The following RNLS variants were observed in gnomAD, a reference collection of about 807,000 sequenced individuals.
RNLS encodes the protein renalase.
RNLS carries 39 observed loss-of-function variants against 39.8 expected under a neutral mutation model. The observed-to-expected ratio is 0.98, with a 90% CI of 0.76 to 1.28. The LOEUF is 1.28. Among genes scored for constraint, RNLS ranks in the 50% most tolerant of loss-of-function variants. RNLS has a pLI of 0.00. For missense variants in RNLS, 410 were observed against 413.3 expected (o/e 0.99, Z 0.07); for synonymous variants, 147 against 150.7 (o/e 0.98, Z 0.18).
chr10:88,488,342 T>A (rs984583872), intron 4 of RNLS, among the ~76,000 whole-genome samples: 3 of 151,408 alleles, frequency 2.0e-5, no homozygotes, highest in Admixed American at 1.3e-4. Flanking sequence ...AGGTTGGGAG[T>A]TCGAGATCAG....
intron 5 of RNLS, among the ~76,000 whole-genome samples, chr10:88,319,649 G>A (rs1457188132): frequency 6.6e-6 from 1 of 151,852 alleles, no homozygotes; most frequent in Non-Finnish European, 1.5e-5. Context: ...AAATACAGTT[G>A]GAAGCTTTAA....
Position 88,285,154 on chromosome 10 carries a change from G to A in RNLS, c.*200C>T. ...TTCAGAAAAGTAGGGAAGGTGCAAG[G>A]TGTGAGGAATTTCCATTCTAGCATG... On this transcript the variant is annotated 3_prime_UTR_variant, in exon 7 of 7. Transcript: ENST00000331772. 8.0e-7 allele frequency: 1 copy of A among 1,250,018 alleles called. No homozygotes were observed. The highest frequency in any genetic ancestry group is 2.7e-5 in the South Asian group (1 of 37,084). 77.4% of individuals were successfully genotyped at this position (1,250,018 alleles called of 1,614,324 possible).
intron 4 of RNLS, among the ~76,000 whole-genome samples, chr10:88,525,735 A>G (rs1847068876): frequency 6.6e-6 from 1 of 152,174 alleles, no homozygotes; most frequent in African/African-American, 2.4e-5. Context: ...TAGGTGGTAA[A>G]GAATATTACT....
chr10:88,561,063 G>C (rs1363053006), intron 4 of RNLS, among the ~76,000 whole-genome samples: 3 of 152,128 alleles, frequency 2.0e-5, no homozygotes, highest in Non-Finnish European at 4.4e-5. Context: ...AGGGTAGAGA[G>C]AATGAGCTCC....
chr10:88,505,533 A>AAGGATTCAAGGT (rs1554911887), intron 4 of RNLS, among the ~76,000 whole-genome samples: 2 of 151,908 alleles, frequency 1.3e-5, no homozygotes, highest in Non-Finnish European at 2.9e-5. Context: ...GGATTCAAGG[A>AAGGATTCAAGGT]AGAGAGAGGA....
At chr10:88,415,773 TG>T (rs1171258661) in intron 4 of RNLS, among the ~76,000 whole-genome samples, 1 of 152,226 alleles carries the variant, frequency 6.6e-6, no homozygotes, top group Non-Finnish European at 1.5e-5. Flanking sequence ...CTGTAAAGCC[TG>T]TCTGTTCTTG....
intron 4 of RNLS, among the ~76,000 whole-genome samples, chr10:88,438,415 T>A (rs746273483): frequency 2.6e-5 from 4 of 152,230 alleles, no homozygotes; most frequent in Non-Finnish European, 4.4e-5. Flanking sequence ...TATATTTTAA[T>A]AAAAATTTAT....
intron 4 of RNLS, among the ~76,000 whole-genome samples, chr10:88,553,256 G>T (rs556030514): frequency 2.0e-4 from 30 of 152,244 alleles, no homozygotes; most frequent in Admixed American, 1.6e-3. Flanking sequence ...CAATATAAAA[G>T]AAAAATATAA....
intron 5 of RNLS, among the ~76,000 whole-genome samples, chr10:88,333,238 A>G (rs942225197): frequency 6.6e-6 from 1 of 152,230 alleles, no homozygotes; most frequent in Non-Finnish European, 1.5e-5. Flanking sequence ...TAAATCTTTA[A>G]TGGAAAGATA....
chr10:88,397,347 T>G (rs1265284040), intron 4 of RNLS, among the ~76,000 whole-genome samples: 1 of 151,860 alleles, frequency 6.6e-6, no homozygotes, highest in Non-Finnish European at 1.5e-5. Context: ...AATTTACAAA[T>G]ACATGTGAAT....
At chr10:88,269,390 T>C (rs1282065961), downstream of RNLS, among the ~76,000 whole-genome samples, 1 of 152,192 alleles carries the variant, frequency 6.6e-6, no homozygotes, top group East Asian at 1.9e-4. Flanking sequence ...ACTATTTTAT[T>C]AGTCCTCCCT....
At chr10:88,230,020 A>G in the RNLS span, among the ~76,000 whole-genome samples, 1 of 152,076 alleles carries the variant, frequency 6.6e-6, no homozygotes, top group Admixed American at 6.5e-5. Flanking sequence ...AAATGGAGCC[A>G]CCTGGATGAT....
At chr10:88,224,477 G>A in the RNLS span, among the ~76,000 whole-genome samples, 42 of 152,294 alleles carry the variant, frequency 2.8e-4, 1 homozygote, top group South Asian at 1.0e-3. Context: ...TCCAAACCCC[G>A]CCATGATATC....
chr10:88,431,835 T>C (rs1855147892), intron 4 of RNLS, among the ~76,000 whole-genome samples: 1 of 151,796 alleles, frequency 6.6e-6, no homozygotes, highest in African/African-American at 2.4e-5. Flanking sequence ...ACATACTTTG[T>C]ATTACTTGAA....
intron 5 of RNLS, among the ~76,000 whole-genome samples, chr10:88,314,843 A>C (rs1589529583): frequency 6.6e-6 from 1 of 152,350 alleles, no homozygotes; most frequent in Middle Eastern, 3.4e-3. Flanking sequence ...CAGATTAAAG[A>C]GAAGTTTTAG....
At position 88,312,964 on chromosome 10, in the gene RNLS, A is replaced by G. The variant is rs570533554; in HGVS notation, c.876+1502T>C. Among the ~76,000 whole-genome samples the G allele has an allele frequency of 2.0e-4, 30 of 152,296 alleles. No homozygotes were observed. In the South Asian group the frequency reaches 6.0e-3, roughly 31 times the overall value. On this transcript the variant is annotated intron_variant, in intron 6 of 6. Coordinates refer to ENST00000331772, the MANE Select transcript of RNLS (RefSeq NM_001031709.3). ...TGCAAACTTCTAAGTCTGGATGATA[A>G]CTTACTCCCTTTCAGGTTTTGCAGC...
At chr10:88,354,983 C>A (rs973526091) in intron 5 of RNLS, among the ~76,000 whole-genome samples, 3 of 152,168 alleles carry the variant, frequency 2.0e-5, no homozygotes, top group Admixed American at 6.5e-5. Flanking sequence ...ATCATTGATA[C>A]CCTTTCTTCC....
At chr10:88,201,035 C>T in the RNLS span, among the ~76,000 whole-genome samples, 1 of 146,970 alleles carries the variant, frequency 6.8e-6, no homozygotes, top group South Asian at 2.1e-4. Flanking sequence ...TTAAAAATAG[C>T]TTTTGGTCTA....
chr10:88,172,842 G>GTTTTTTTTTTTTTTTTTTTTTTTTTTTTT, the RNLS span, among the ~76,000 whole-genome samples: 3 of 43,776 alleles, frequency 6.9e-5, 1 homozygote, highest in African/African-American at 3.5e-4. Flanking sequence ...ATTTTGAGTT[G>GTTTTTTTTTTTTTTTTTTTTTTTTTTTTT]TTTTTTTTTT....
Sources: gnomAD v4.1 joint callset for allele counts (sites outside exome capture counted in the v4.1 genomes callset) on GRCh38, gnomAD v4.1.1 for gene constraint, MANE v1.5 for transcripts, NCBI Gene and HGNC (gene_info 2026-07-23, HGNC 2026-07-21) for gene names.